Variants in GPR75 observed in about 807,000 individuals in gnomAD.
GPR75 encodes G protein-coupled receptor 75.
In GPR75, 27 loss-of-function variants were observed where a neutral mutation model predicts 26.0. The ratio of observed to expected loss-of-function variants is 1.04; its 90% CI spans 0.77 to 1.43. The LOEUF (loss-of-function observed/expected upper bound fraction) is 1.43. GPR75 is among the 40% of genes most tolerant of loss of function. The pLI, the probability that GPR75 is intolerant of heterozygous loss-of-function variation, is 0.00. For missense variants in GPR75, 699 were observed against 662.3 expected, an observed-to-expected ratio of 1.06 and a Z score of -0.61; for synonymous variants, 285 against 256.3, an observed-to-expected ratio of 1.11 and a Z score of -1.07.
chr2:53,853,294 CTGT>C lies in GPR75; in HGVS notation c.1460_1462del (p.Asn487del). Reference sequence around the variant, plus strand: ...GCTGCTCTCCTCCTGGGAAGGGCTGCTGTTATAGATGCTGTAGTAAGGTTCAAT... The same window carrying C: ...GCTGCTCTCCTCCTGGGAAGGGCTGCTATAGATGCTGTAGTAAGGTTCAAT... On this transcript the variant is annotated inframe_deletion, in exon 2 of 2. Transcript: ENST00000394705. 2 of 1,614,142 alleles carry C rather than the reference CTGT, an allele frequency of 1.2e-6. No individual in the cohort carries two copies. The highest frequency in any genetic ancestry group is 1.7e-6 in the Non-Finnish European group (2 of 1,180,030).
rs1322823599 is a variant in GPR75 at position 53,854,621 on chromosome 2, T to C, written c.136A>G (p.Thr46Ala). 1 of 1,614,002 alleles carries C rather than the reference T, an allele frequency of 6.2e-7. No individual in the cohort carries two copies. The highest frequency in any genetic ancestry group is 8.5e-7 in the Non-Finnish European group (1 of 1,180,032). The part of the protein sequence containing the change: ...LIHTATLVTC[T>A]FLLAVIFCLG... Reference sequence around the variant, plus strand: ...CAGAAGATGACCGCCAGTAGAAAAGTACAGGTCACCAAGGTGGCTGTGTGG... The same window carrying C: ...CAGAAGATGACCGCCAGTAGAAAAGCACAGGTCACCAAGGTGGCTGTGTGG... Residue 46 changes from threonine (T) to alanine (A), a missense_variant, in exon 2 of 2, where the codon ACT becomes GCT. By Grantham distance (58) the Thr-to-Ala change is moderately conservative. Transcript: ENST00000394705.
At chr2:53,859,774 AGCC>A (rs1678330021) in intron 1 of GPR75, 51 bp downstream of exon 1, 1 of 1,375,948 alleles carries the variant, frequency 7.3e-7, no homozygotes. Flanking sequence ...AGCCTCCGGG[AGCC>A]GTCTCCGGCA....
Position 53,854,703 on chromosome 2 carries a change from C to A in GPR75, c.54G>T (p.Val18=), listed in dbSNP as rs148903096. 6.2e-7 allele frequency: 1 copy of A among 1,614,036 alleles called. No individual in the cohort carries two copies. Among genetic ancestry groups the A allele is most frequent in the South Asian group, 1.1e-5 (1 of 91,076 alleles). The change falls in exon 2 of 2, where the codon GTG becomes GTT. Residue 18 remains valine, a synonymous_variant. Transcript: ENST00000394705. ...TGCTGTTTCCTTCCTGTGAGTGAGGCACATGGAGCGAGGTGGCATTGGGGG... is the reference window on the plus strand; with the variant it reads ...TGCTGTTTCCTTCCTGTGAGTGAGGAACATGGAGCGAGGTGGCATTGGGGG... ...QDAPNATSLH[V]PHSQEGNSTS...
In GPR75 at chr2:53,859,621, G is replaced by C. The variant is rs543413005; in HGVS notation, c.-110+207C>G. 2.6e-3 allele frequency among the ~76,000 whole-genome samples: 387 copies of C among 148,318 alleles called. 3 individuals carry two copies. The highest frequency in any genetic ancestry group is 4.6e-3 in the Non-Finnish European group (307 of 66,514). ...CAGCCAGGGTAGGGGCGGTGGGTGG[G>C]TGGGTGGGGGGGGTTCCACGGCCGA... On this transcript the variant is annotated intron_variant, in intron 1 of 1. Transcript: ENST00000394705.
At position 53,853,293 on chromosome 2, in the gene GPR75, G is replaced by C; in HGVS notation, c.1464C>G (p.Ser488Arg). Residue 488 changes from serine to arginine, a missense_variant, in exon 2 of 2, where the codon AGC becomes AGG. Physicochemically the swap from Ser to Arg is moderately radical, Grantham distance 110 (BLOSUM62 -1). Transcript: ENST00000394705. ...RIEPYYSIYN[S>R]SPSQEESSPC... ...GGCTGCTCTCCTCCTGGGAAGGGCT[G>C]CTGTTATAGATGCTGTAGTAAGGTT... 6.2e-7 allele frequency: 1 copy of C among 1,614,190 alleles called. No homozygotes were observed. Among genetic ancestry groups the C allele is most frequent in the African/African-American group, 1.3e-5 (1 of 75,052 alleles).
Position 53,859,809 on chromosome 2 carries a change from G to T in GPR75, c.-110+19C>A. The T allele has an allele frequency of 6.6e-7, 1 of 1,520,148 alleles. No homozygotes were observed. Among genetic ancestry groups the T allele is most frequent in the Non-Finnish European group, 8.8e-7 (1 of 1,135,148 alleles). 94.2% of individuals were successfully genotyped at this position (1,520,148 alleles called of 1,614,324 possible). A position where few individuals can be genotyped will look rare whatever the true frequency, so the allele number is the denominator to read the frequency against. ...GGCATCGTGGGGTTGTCCTCCTCCA[G>T]GGGCCCGCGGCCTCTCACCTGCCGG... On this transcript the variant is annotated intron_variant, in intron 1 of 1. Coordinates refer to ENST00000394705, the MANE Select transcript of GPR75 (RefSeq NM_006794.4).
intron 1 of GPR75, among the ~76,000 whole-genome samples, chr2:53,858,125 T>C (rs1678279130): frequency 6.6e-6 from 1 of 152,104 alleles, no homozygotes; most frequent in African/African-American, 2.4e-5. Context: ...GAACATGGAT[T>C]TGAATCTAAG....
rs754578895 is a variant in GPR75, at chr2:53,853,826, G to C, written c.931C>G (p.Leu311Val). 5 of 1,614,060 alleles carry C rather than the reference G, an allele frequency of 3.1e-6. No homozygotes were observed. Among genetic ancestry groups the C allele is most frequent in the African/African-American group, 1.3e-5 (1 of 74,930 alleles). The change falls in exon 2 of 2, where the codon CTC (leucine) becomes GTC (valine). Residue 311 changes from leucine to valine, a missense_variant. Transcript: ENST00000394705. ...GCTTTGGAATCCTTGGCAGTGGAGA[G>C]GTTGATGGCTGATACGAGCTGGAGT... ...SRLQLVSAINLSTAKDSKAVV... is the reference protein window; with the variant it reads ...SRLQLVSAINVSTAKDSKAVV...
rs1573158381 is a variant in GPR75, at chr2:53,854,304, C to G, written c.453G>C (p.Gln151His). ...AGGGAAAGGAGGCCGTGCGATTAGG[C>G]TGTTTCCCCAACACCATCCGGAGCC... is the stretch of plus-strand genomic sequence containing the variant. ...LHRLRMVLGKQPNRTASFPCT... is the reference protein window; with the variant it reads ...LHRLRMVLGKHPNRTASFPCT... The change falls in exon 2 of 2, where the codon CAG becomes CAC. Residue 151 changes from glutamine to histidine, a missense_variant. Physicochemically the swap from Gln to His is conservative, Grantham distance 24. Transcript: ENST00000394705. 1.9e-6 allele frequency: 3 copies of G among 1,613,894 alleles called. No homozygotes were observed. Among genetic ancestry groups the G allele is most frequent in the Non-Finnish European group, 2.5e-6 (3 of 1,179,982 alleles).
Position 53,859,839 on chromosome 2 carries a change from C to A in GPR75, c.-121G>T, listed in dbSNP as rs899727142. 4.6e-6 allele frequency: 7 copies of A among 1,531,426 alleles called. No individual in the cohort carries two copies. Among genetic ancestry groups the A allele is most frequent in the Non-Finnish European group, 5.2e-6 (6 of 1,143,544 alleles). 94.9% of individuals were successfully genotyped at this position (1,531,426 alleles called of 1,614,324 possible). A position where few individuals can be genotyped will look rare whatever the true frequency, so the allele number is the denominator to read the frequency against. On this transcript the variant is annotated 5_prime_UTR_variant, in exon 1 of 2. Transcript: ENST00000394705. ...CCGCGGCCTCTCACCTGCCGGGTGG[C>A]CGCAGCGCCGCCCCTCCTCCATCTC...
chr2:53,855,739 A>T (rs962390161), intron 1 of GPR75, among the ~76,000 whole-genome samples: 1 of 152,180 alleles, frequency 6.6e-6, no homozygotes, highest in Non-Finnish European at 1.5e-5. Context: ...GTTGATGCAT[A>T]ATGTGGCCCT....
At position 53,853,497 on chromosome 2, in the gene GPR75, G is replaced by C. The variant is rs1180357345; in HGVS notation, c.1260C>G (p.Asn420Lys). 1.9e-6 allele frequency: 3 copies of C among 1,613,958 alleles called. No homozygotes were observed. The highest frequency in any genetic ancestry group is 2.5e-6 in the Non-Finnish European group (3 of 1,179,988). ...MGKGNLEVNR[N>K]KSSHHETNSA... is the part of the protein sequence containing the mutation. ...AGTTTGTTTCATGATGGGAGGATTT[G>C]TTTCTGTTGACTTCGAGGTTCCCTT... The change falls in exon 2 of 2, where the codon AAC becomes AAG. Residue 420 changes from asparagine (N) to lysine (K), a missense_variant. By Grantham distance (94) the Asn-to-Lys change is moderately conservative (BLOSUM62 0). Coordinates refer to ENST00000394705, the MANE Select transcript of GPR75 (RefSeq NM_006794.4).
chr2:53,859,523 G>C (rs1361291299), intron 1 of GPR75, among the ~76,000 whole-genome samples: 2 of 151,860 alleles, frequency 1.3e-5, no homozygotes, highest in Non-Finnish European at 2.9e-5. Context: ...TGAGGTGACG[G>C]TAAGGAGGGC....
intron 1 of GPR75, among the ~76,000 whole-genome samples, chr2:53,857,838 A>G (rs1394679377): frequency 6.6e-6 from 1 of 152,146 alleles, no homozygotes; most frequent in African/African-American, 2.4e-5. Flanking sequence ...TTGGCCTCCC[A>G]AAGTGCTGAG....
Position 53,853,783 on chromosome 2 carries a change from A to G in GPR75, c.974T>C (p.Ile325Thr). 2 of 1,614,226 alleles carry G rather than the reference A, an allele frequency of 1.2e-6. No individual in the cohort carries two copies. Among genetic ancestry groups the G allele is most frequent in the Non-Finnish European group, 1.7e-6 (2 of 1,180,042 alleles). Residue 325 changes from isoleucine (I) to threonine (T), a missense_variant, in exon 2 of 2, where the codon ATC (isoleucine) becomes ACC (threonine). Coordinates refer to ENST00000394705, the MANE Select transcript of GPR75 (RefSeq NM_006794.4). ...GCACACCAGGACTGACAGCACAATGATCACACAGGTGACCACGGCTTTGGA... is the reference window on the plus strand; with the variant it reads ...GCACACCAGGACTGACAGCACAATGGTCACACAGGTGACCACGGCTTTGGA... ...KDSKAVVTCV[I>T]IVLSVLVCCL... is the part of the protein sequence containing the mutation.
In GPR75 at chr2:53,854,137, TAG is replaced by T. The variant is rs763813086; in HGVS notation, c.618_619del (p.Tyr207CysfsTer66). The T allele has an allele frequency of 1.9e-6, 3 of 1,613,912 alleles. No homozygotes were observed. In the African/African-American group the frequency reaches 4.0e-5, roughly 22 times the overall value. Reference sequence around the variant, plus strand: ...AACACAGAAGGTGAAGTCGACCACATAGAGAGACAAAATGGCTTTCCCTTTTC... The same window carrying T: ...AACACAGAAGGTGAAGTCGACCACATAGAGACAAAATGGCTTTCCCTTTTC... On this transcript the variant is annotated frameshift_variant, in exon 2 of 2. Transcript: ENST00000394705. LOFTEE classifies it high-confidence loss of function.
At position 53,854,713 on chromosome 2, in the gene GPR75, G is replaced by A. The variant is rs747165173; in HGVS notation, c.44C>T (p.Ser15Leu). The A allele has an allele frequency of 8.7e-6, 14 of 1,613,904 alleles. No individual in the cohort carries two copies. The highest frequency in any genetic ancestry group is 3.3e-5 in the South Asian group (3 of 91,076). ...TTCCTGTGAGTGAGGCACATGGAGC[G>A]AGGTGGCATTGGGGGCATCCTGAAG... ...GHLQDAPNATSLHVPHSQEGN... is the reference protein window; with the variant it reads ...GHLQDAPNATLLHVPHSQEGN... Residue 15 changes from serine to leucine, a missense_variant, in exon 2 of 2, where the codon TCG becomes TTG. Ser to Leu is a moderately radical substitution (Grantham distance 145). Transcript: ENST00000394705.
Position 53,853,508 on chromosome 2 carries a change from C to T in GPR75, c.1249G>A (p.Val417Ile). 6.2e-7 allele frequency: 1 copy of T among 1,614,124 alleles called. No homozygotes were observed. The highest frequency in any genetic ancestry group is 8.5e-7 in the Non-Finnish European group (1 of 1,180,024). The change falls in exon 2 of 2, where the codon GTC becomes ATC. Residue 417 changes from valine (V) to isoleucine (I), a missense_variant. Val to Ile is a conservative substitution (Grantham distance 29). Coordinates refer to ENST00000394705, the MANE Select transcript of GPR75 (RefSeq NM_006794.4). ...LRAMGKGNLEVNRNKSSHHET... is the reference protein window; with the variant it reads ...LRAMGKGNLEINRNKSSHHET... ...TGATGGGAGGATTTGTTTCTGTTGACTTCGAGGTTCCCTTTTCCCATGGCT... is the reference window on the plus strand; with the variant it reads ...TGATGGGAGGATTTGTTTCTGTTGATTTCGAGGTTCCCTTTTCCCATGGCT...
Position 53,853,526 on chromosome 2 carries a change from C to A in GPR75, c.1231G>T (p.Gly411Ter), listed in dbSNP as rs1678145006. 1.2e-6 allele frequency: 2 copies of A among 1,614,022 alleles called. No homozygotes were observed. Among genetic ancestry groups the A allele is most frequent in the East Asian group, 2.2e-5 (1 of 44,898 alleles). Reference protein sequence around the residue: ...CKQKTRLRAMGKGNLEVNRNK... With the variant: ...CKQKTRLRAM Reference sequence around the variant, plus strand: ...CTGTTGACTTCGAGGTTCCCTTTTCCCATGGCTCGAAGTCGAGTCTTTTGT... The same window carrying A: ...CTGTTGACTTCGAGGTTCCCTTTTCACATGGCTCGAAGTCGAGTCTTTTGT... The change falls in exon 2 of 2, where the codon GGA (glycine) becomes TGA (stop). Residue 411 changes from glycine (G) to a stop codon, truncating the protein, a stop_gained. Transcript: ENST00000394705. LOFTEE classifies it high-confidence loss of function.
Sources: gnomAD v4.1 joint callset for allele counts (sites outside exome capture counted in the v4.1 genomes callset) on GRCh38, gnomAD v4.1.1 for gene constraint, MANE v1.5 for transcripts, NCBI Gene and HGNC (gene_info 2026-07-23, HGNC 2026-07-21) for gene names.